SH3RF1: variants seen among roughly 807,000 people sequenced by gnomAD.
SH3RF1 encodes the protein E3 ubiquitin-protein ligase SH3RF1.
In SH3RF1, 32 loss-of-function variants were observed where a neutral mutation model predicts 74.0. The observed-to-expected ratio is 0.43, with a 90% CI of 0.33 to 0.58. The LOEUF (loss-of-function observed/expected upper bound fraction) is 0.58, where lower values mean the gene tolerates loss of function less well. Ranked by LOEUF, SH3RF1 falls within the 20% of genes least tolerant of loss-of-function variation. The pLI is 0.05. For synonymous variants in SH3RF1, 396 were observed against 439.6 expected (o/e 0.90, Z 1.24); for missense variants, 954 against 1,130.9 (o/e 0.84, Z 2.24).
chr4:169,190,987 A>G (rs915219424), intron 2 of SH3RF1, among the ~76,000 whole-genome samples: 7 of 152,202 alleles, frequency 4.6e-5, no homozygotes, highest in Non-Finnish European at 5.9e-5. Flanking sequence ...CATCATCTCA[A>G]TAGATGCAGA....
intron 2 of SH3RF1, among the ~76,000 whole-genome samples, chr4:169,262,626 C>A (rs557003301): frequency 2.6e-5 from 4 of 152,146 alleles, no homozygotes; most frequent in Admixed American, 2.6e-4. Context: ...GAGATCTCAC[C>A]ATCGCCCTCC....
intron 2 of SH3RF1, among the ~76,000 whole-genome samples, chr4:169,184,401 A>C (rs1734569635): frequency 6.6e-6 from 1 of 152,248 alleles, no homozygotes. Flanking sequence ...AGGGCCATGA[A>C]GCACATGTAA....
Position 169,136,586 on chromosome 4 carries a change from T to C in SH3RF1, c.800A>G (p.Asp267Gly), listed in dbSNP as rs755655156. Residue 267 changes from aspartate (D) to glycine (G), a missense_variant, in exon 5 of 12, where the codon GAT becomes GGT. Coordinates refer to ENST00000284637, the MANE Select transcript of SH3RF1 (RefSeq NM_020870.4). ...ATCAACTCCTGGCACAGGAGGCTTA[T>C]CCCATTCTATCAGCTGCTTAGCAGC... ...NSAAKQLIEW[D>G]KPPVPGVDAG... The C allele has an allele frequency of 6.4e-7, 1 of 1,562,110 alleles. No individual in the cohort carries two copies. Among genetic ancestry groups the C allele is most frequent in the East Asian group, 2.3e-5 (1 of 43,178 alleles).
intron 4 of SH3RF1, among the ~76,000 whole-genome samples, chr4:169,145,273 T>G (rs1733855876): frequency 6.6e-6 from 1 of 152,134 alleles, no homozygotes; most frequent in South Asian, 2.1e-4. Flanking sequence ...AGAAATAATG[T>G]CTTTTGCAGC....
intron 4 of SH3RF1, among the ~76,000 whole-genome samples, chr4:169,141,631 T>C (rs533053043): frequency 1.0e-3 from 152 of 150,442 alleles, no homozygotes; most frequent in African/African-American, 3.6e-3. Context: ...TATAGACTGA[T>C]ATAAATACTT....
intron 2 of SH3RF1, 112 bp from the exon 3 acceptor site, chr4:169,156,791 C>A: frequency 2.1e-6 from 2 of 958,874 alleles, no homozygotes; most frequent in Non-Finnish European, 3.1e-6. Flanking sequence ...CACACTGTAA[C>A]CCTTGAAGAA....
intron 11 of SH3RF1, among the ~76,000 whole-genome samples, chr4:169,105,020 T>C (rs1733108913): frequency 6.6e-6 from 1 of 152,206 alleles, no homozygotes; most frequent in Admixed American, 6.5e-5. Context: ...GCCAAAAATA[T>C]GAATGCAGGC....
chr4:169,204,091 G>A (rs1328471824), intron 2 of SH3RF1: 1 of 152,018 alleles, frequency 6.6e-6, no homozygotes, highest in Admixed American at 6.6e-5. Flanking sequence ...AAACTTTGAG[G>A]AAAAAGAACT....
chr4:169,143,577 T>C (rs1257183190), intron 4 of SH3RF1, among the ~76,000 whole-genome samples: 1 of 152,174 alleles, frequency 6.6e-6, no homozygotes, highest in African/African-American at 2.4e-5. Context: ...ATGACTCCCC[T>C]GACTCCCTAT....
At chr4:169,260,820 T>A (rs1731265779) in intron 2 of SH3RF1, among the ~76,000 whole-genome samples, 1 of 152,192 alleles carries the variant, frequency 6.6e-6, no homozygotes, top group Admixed American at 6.5e-5. Flanking sequence ...GAAACCAACA[T>A]AACTGAGTTC....
In SH3RF1 at chr4:169,130,140, G is replaced by C. The variant is rs1226594291; in HGVS notation, c.1085C>G (p.Thr362Ser). The change falls in exon 6 of 12, where the codon ACC becomes AGC. Residue 362 changes from threonine to serine, a missense_variant. Thr to Ser is a moderately conservative substitution (Grantham distance 58). Coordinates refer to ENST00000284637, the MANE Select transcript of SH3RF1 (RefSeq NM_020870.4). ...TGGGGGCGGGGTCACAATTAACCCG[G>C]TGGTACTTATATGAACCTGCCGAGA... ...SAPSQVHISTTGLIVTPPPSS... is the reference protein window; with the variant it reads ...SAPSQVHISTSGLIVTPPPSS... 6.3e-7 allele frequency: 1 copy of C among 1,588,518 alleles called. No individual in the cohort carries two copies. The highest frequency in any genetic ancestry group is 8.5e-7 in the Non-Finnish European group (1 of 1,172,032).
chr4:169,183,009 G>C (rs910154188), intron 2 of SH3RF1, among the ~76,000 whole-genome samples: 1 of 152,128 alleles, frequency 6.6e-6, no homozygotes, highest in African/African-American at 2.4e-5. Context: ...TAGCAGGGCA[G>C]GGAGTTGGGG....
intron 2 of SH3RF1, among the ~76,000 whole-genome samples, chr4:169,256,734 C>T (rs979452756): frequency 1.1e-4 from 17 of 152,108 alleles, no homozygotes; most frequent in Non-Finnish European, 2.4e-4. Flanking sequence ...GGAGCTCGGA[C>T]TACAGGTGCA....
chr4:169,243,457 G>A (rs750646018), intron 2 of SH3RF1, among the ~76,000 whole-genome samples: 1 of 152,178 alleles, frequency 6.6e-6, no homozygotes, highest in Non-Finnish European at 1.5e-5. Context: ...AGGTTGCAGT[G>A]AGCCAAGATC....
chr4:169,221,725 G>T (rs1730567008), intron 2 of SH3RF1, among the ~76,000 whole-genome samples: 1 of 152,074 alleles, frequency 6.6e-6, no homozygotes, highest in African/African-American at 2.4e-5. Context: ...AATCCTAGAT[G>T]ACAAAACACT....
intron 2 of SH3RF1, among the ~76,000 whole-genome samples, chr4:169,200,252 T>C (rs1410485486): frequency 6.6e-6 from 1 of 152,166 alleles, no homozygotes; most frequent in Non-Finnish European, 1.5e-5. Context: ...ACATGTGTAG[T>C]AATGCCAAAT....
intron 3 of SH3RF1, among the ~76,000 whole-genome samples, chr4:169,155,846 C>T (rs1734041812): frequency 6.6e-6 from 1 of 151,208 alleles, no homozygotes; most frequent in Non-Finnish European, 1.5e-5. Flanking sequence ...ATTGCAACCT[C>T]AAATGATACC....
intron 10 of SH3RF1, among the ~76,000 whole-genome samples, chr4:169,110,710 G>A (rs984438811): frequency 5.9e-5 from 9 of 152,188 alleles, no homozygotes; most frequent in African/African-American, 1.2e-4. Flanking sequence ...ATTTGGGGGC[G>A]GGGGATTTGA....
At chr4:169,163,964 T>A (rs115574930) in intron 2 of SH3RF1, among the ~76,000 whole-genome samples, 1 of 152,178 alleles carries the variant, frequency 6.6e-6, no homozygotes, top group African/African-American at 2.4e-5. Flanking sequence ...TGTGGGTCAA[T>A]AGGACAGTCT....
Sources: allele counts gnomAD v4.1 joint callset (sites outside exome capture counted in the v4.1 genomes callset), GRCh38; gene constraint gnomAD v4.1.1; transcripts MANE v1.5; gene names NCBI Gene and HGNC (gene_info 2026-07-23, HGNC 2026-07-21).